Variants in SSBP2 observed in about 807,000 individuals in gnomAD.
SSBP2 encodes the protein single stranded DNA binding protein 2.
In SSBP2, 17 loss-of-function variants were observed where a neutral mutation model predicts 61.8. The ratio of observed to expected loss-of-function variants is 0.28; its 90% confidence interval spans 0.19 to 0.41. The LOEUF (loss-of-function observed/expected upper bound fraction) is 0.41, where lower values mean the gene tolerates loss of function less well. Ranked by LOEUF, SSBP2 falls within the 10% of genes least tolerant of loss-of-function variation. The probability of loss-of-function intolerance (pLI) is 1.00; values close to 1 mark genes in which losing one functional copy is unlikely to be tolerated. For synonymous variants in SSBP2, 139 were observed against 141.3 expected (o/e 0.98, Z 0.12); for missense variants, 310 against 458.7 (o/e 0.68, Z 2.96).
At position 81,514,209 on chromosome 5, in the gene SSBP2, C is replaced by T. The variant is rs149034564; in HGVS notation, c.283-492G>A. The stretch of plus-strand genomic sequence containing the variant: ...AATTTCCTGCCTATAGGTGGCAACA[C>T]TCATATTATTCACTTTCTGATATAC... On this transcript the variant is annotated intron_variant, in intron 4 of 16. Coordinates refer to ENST00000320672, the MANE Select transcript of SSBP2 (RefSeq NM_012446.5). 6.5e-4 allele frequency among the ~76,000 whole-genome samples: 98 copies of T among 151,744 alleles called. 1 individual carries two copies. The East Asian group carries it at 0.018, about 28-fold the overall frequency.
intron 4 of SSBP2, among the ~76,000 whole-genome samples, chr5:81,574,392 G>T (rs1373506684): frequency 6.6e-6 from 1 of 151,822 alleles, no homozygotes; most frequent in African/African-American, 2.4e-5. Context: ...GGAAACAAAA[G>T]ATGGAAAATA....
intron 2 of SSBP2, among the ~76,000 whole-genome samples, chr5:81,646,947 G>T (rs148986983): frequency 1.3e-5 from 2 of 151,940 alleles, no homozygotes; most frequent in Admixed American, 1.3e-4. Flanking sequence ...ATGGTATACA[G>T]GAAAACCCAA....
chr5:81,519,905 A>T (rs1769330768), intron 4 of SSBP2, among the ~76,000 whole-genome samples: 1 of 151,708 alleles, frequency 6.6e-6, no homozygotes, highest in Non-Finnish European at 1.5e-5. Context: ...CTTCTTTTTA[A>T]CAAATTATTT....
At chr5:81,616,758 A>C (rs1465866884) in intron 3 of SSBP2, among the ~76,000 whole-genome samples, 171 of 151,122 alleles carry the variant, frequency 1.1e-3, no homozygotes, top group African/African-American at 4.1e-3. Context: ...GAGATCTGAG[A>C]ACGGGCAGAC....
rs111625489 is a variant in SSBP2 at position 81,566,734 on chromosome 5, C to T, written c.282+48739G>A. ...GGGAAAATTTAGAACTTCATAGAGA[C>T]TTGCTGAATAGGTTTGACAAAAATG... On this transcript the variant is annotated intron_variant, in intron 4 of 16. Coordinates refer to ENST00000320672, the MANE Select transcript of SSBP2 (RefSeq NM_012446.5). 6.3e-3 allele frequency among the ~76,000 whole-genome samples: 958 copies of T among 152,288 alleles called. 8 individuals are homozygous for T. The highest frequency in any genetic ancestry group is 0.021 in the African/African-American group (893 of 41,554).
rs186866875 is a variant in SSBP2, at chr5:81,671,096, T to A, written c.63-20757A>T. Among the ~76,000 whole-genome samples the A allele has an allele frequency of 3.9e-5, 6 of 152,144 alleles. No homozygotes were observed. The South Asian group carries it at 6.3e-4, about 16-fold the overall frequency. ...GATGAATACACCTATAGACACAGGG[T>A]CCACAACTCTAATACCACTGAAGGA... On this transcript the variant is annotated intron_variant, in intron 1 of 16. Transcript: ENST00000320672.
chr5:81,502,542 G>A (rs1430871999), intron 5 of SSBP2, among the ~76,000 whole-genome samples: 1 of 152,110 alleles, frequency 6.6e-6, no homozygotes, highest in African/African-American at 2.4e-5. Context: ...TCTAGCTCAA[G>A]CCTCAAACAT....
chr5:81,643,544 T>C (rs1035559014), intron 2 of SSBP2, among the ~76,000 whole-genome samples: 64 of 150,904 alleles, frequency 4.2e-4, no homozygotes, highest in African/African-American at 1.4e-3. Flanking sequence ...TATATCTATA[T>C]ACTAAACCAA....
chr5:81,723,720 C>A (rs1204332176), intron 1 of SSBP2, among the ~76,000 whole-genome samples: 1 of 151,940 alleles, frequency 6.6e-6, no homozygotes, highest in Non-Finnish European at 1.5e-5. Flanking sequence ...CATCTCAATA[C>A]CTCCTATAGA....
chr5:81,628,856 G>A (rs893035123), intron 3 of SSBP2, among the ~76,000 whole-genome samples: 38 of 152,042 alleles, frequency 2.5e-4, no homozygotes, highest in African/African-American at 8.5e-4. Flanking sequence ...CTCTCATCTC[G>A]CTGGCACTTT....
chr5:81,750,652 C>G (rs1271104774), intron 1 of SSBP2: 2 of 297,284 alleles, frequency 6.7e-6, no homozygotes, highest in Non-Finnish European at 1.3e-5. Flanking sequence ...GACCCCAGCT[C>G]TAAAGTTACT....
chr5:81,545,128 T>A (rs1417405047), intron 4 of SSBP2, among the ~76,000 whole-genome samples: 1 of 152,218 alleles, frequency 6.6e-6, no homozygotes, highest in Non-Finnish European at 1.5e-5. Flanking sequence ...CACAGCTGAA[T>A]TTGAATTTCA....
intron 4 of SSBP2, among the ~76,000 whole-genome samples, chr5:81,608,235 T>A (rs1349364943): frequency 6.6e-6 from 1 of 152,166 alleles, no homozygotes. Flanking sequence ...ATTTTTAATT[T>A]TTCTCTCTTC....
At chr5:81,442,613 C>A (rs531745030) in intron 13 of SSBP2, 40 bp downstream of exon 13, 3 of 1,158,694 alleles carry the variant, frequency 2.6e-6, no homozygotes, top group African/African-American at 3.1e-5. Flanking sequence ...GTTTGAAAGT[C>A]TTCAAATACA....
chr5:81,675,467 C>T (rs1461797254), intron 1 of SSBP2, among the ~76,000 whole-genome samples: 1 of 152,074 alleles, frequency 6.6e-6, no homozygotes, highest in Non-Finnish European at 1.5e-5. Flanking sequence ...CAAGAATATA[C>T]CATTTTAGGG....
At chr5:81,678,037 A>G (rs1424472915) in intron 1 of SSBP2, among the ~76,000 whole-genome samples, 1 of 152,214 alleles carries the variant, frequency 6.6e-6, no homozygotes, top group Non-Finnish European at 1.5e-5. Flanking sequence ...GAAAAGGCAA[A>G]TGTACAGTTT....
chr5:81,667,183 A>G (rs1472776731), intron 1 of SSBP2, among the ~76,000 whole-genome samples: 1 of 152,148 alleles, frequency 6.6e-6, no homozygotes, highest in African/African-American at 2.4e-5. Context: ...GGACGGAGAC[A>G]TCCAAATACA....
chr5:81,744,843 T>C (rs766971035), intron 1 of SSBP2, among the ~76,000 whole-genome samples: 9 of 152,032 alleles, frequency 5.9e-5, no homozygotes, highest in Non-Finnish European at 1.0e-4. Flanking sequence ...TTAACATTCT[T>C]AAAGGAAAAA....
intron 4 of SSBP2, among the ~76,000 whole-genome samples, chr5:81,576,170 T>A (rs1774197601): frequency 6.6e-6 from 1 of 151,946 alleles, no homozygotes; most frequent in Admixed American, 6.6e-5. Context: ...TACATCTCCT[T>A]CTTCCTCTAT....
Sources: allele counts gnomAD v4.1 joint callset (sites outside exome capture counted in the v4.1 genomes callset), GRCh38; gene constraint gnomAD v4.1.1; transcripts MANE v1.5; gene names NCBI Gene and HGNC (gene_info 2026-07-23, HGNC 2026-07-21).